The following PRRX2 variants were observed in gnomAD, a reference collection of about 807,000 sequenced individuals.
PRRX2 encodes paired related homeobox 2, also known as paired mesoderm homeobox protein 2.
In PRRX2, 11 loss-of-function variants were observed where a neutral mutation model predicts 18.0. The observed-to-expected ratio is 0.61, with a 90% confidence interval of 0.39 to 1.01. The LOEUF (loss-of-function observed/expected upper bound fraction) is 1.01. PRRX2 is among the 50% of genes least tolerant of loss of function. PRRX2 has a pLI of 0.01. For synonymous variants in PRRX2, 177 were observed against 154.8 expected, an observed-to-expected ratio of 1.14 and a Z score of -1.06; for missense variants, 387 against 351.0, an observed-to-expected ratio of 1.10 and a Z score of -0.82.
chr9:129,692,278 G>C (rs10988478), intron 1 of PRRX2, among the ~76,000 whole-genome samples: 8,523 of 151,982 alleles, frequency 0.056, 460 homozygotes, highest in East Asian at 0.19. Flanking sequence ...AGCAGTTTTA[G>C]ATTCACAGCA....
At chr9:129,684,814 C>A (rs10988469) in intron 1 of PRRX2, among the ~76,000 whole-genome samples, 2,961 of 152,278 alleles carry the variant, frequency 0.019, 92 homozygotes, top group African/African-American at 0.067. Flanking sequence ...TGTATTGTCT[C>A]ACCTAATCAC....
Position 129,665,805 on chromosome 9 carries a change from C to T in PRRX2, c.-63C>T. On this transcript the variant is annotated 5_prime_UTR_variant, in exon 1 of 4. Coordinates refer to ENST00000372469, the MANE Select transcript of PRRX2 (RefSeq NM_016307.4). This position sits in a 1 kb window ranked among gnomAD's most constrained non-coding sequence, Gnocchi z 5.3. ...CGGGGCTCTCGCTCCGACCCGCGCC[C>T]GCGACCCTTCCTGGGACCCGAGCCC... 2.0e-6 allele frequency: 2 copies of T among 1,010,278 alleles called. No homozygotes were observed. Among genetic ancestry groups the T allele is most frequent in the Non-Finnish European group, 2.4e-6 (2 of 845,980 alleles). The allele number at this position is 1,010,278 out of a possible 1,614,324, so 62.6% of individuals were successfully genotyped here.
rs554659717 is a variant in PRRX2 at position 129,688,750 on chromosome 9, A to G, written c.259+22624A>G. 1.2e-3 allele frequency among the ~76,000 whole-genome samples: 188 copies of G among 152,280 alleles called. 1 individual carries two copies. Among genetic ancestry groups the G allele is most frequent in the African/African-American group, 4.3e-3 (177 of 41,568 alleles). ...AACCCAGTGTGAGGAGGCTGAAGCAAACGTGCACAGGGGTTCTGGGCATCA... is the reference window on the plus strand; with the variant it reads ...AACCCAGTGTGAGGAGGCTGAAGCAGACGTGCACAGGGGTTCTGGGCATCA... On this transcript the variant is annotated intron_variant, in intron 1 of 3. Coordinates refer to ENST00000372469, the MANE Select transcript of PRRX2 (RefSeq NM_016307.4).
At chr9:129,706,837 A>ATTT (rs1832563583) in intron 1 of PRRX2, among the ~76,000 whole-genome samples, 1 of 152,218 alleles carries the variant, frequency 6.6e-6, no homozygotes, top group African/African-American at 2.4e-5. Flanking sequence ...TACCCCCAAA[A>ATTT]GAAGCCCTGC....
chr9:129,665,847 C>T lies in PRRX2; in HGVS notation c.-21C>T. ...CCCGAGCCCGAGACCCCCGCCGGCCCCCCCGGGGCCGCTCGCGGGCATGGA... is the reference window on the plus strand; with the variant it reads ...CCCGAGCCCGAGACCCCCGCCGGCCTCCCCGGGGCCGCTCGCGGGCATGGA... On this transcript the variant is annotated 5_prime_UTR_variant, in exon 1 of 4. Transcript: ENST00000372469. The surrounding 1 kb of genome is among the most constrained non-coding windows in gnomAD (Gnocchi z 5.3). 2 of 1,032,564 alleles carry T rather than the reference C, an allele frequency of 1.9e-6. No homozygotes were observed. Among genetic ancestry groups the T allele is most frequent in the Non-Finnish European group, 2.3e-6 (2 of 863,174 alleles). The allele number at this position is 1,032,564 out of a possible 1,614,324, so 64.0% of individuals were successfully genotyped here. A position where few individuals can be genotyped will look rare whatever the true frequency, so the allele number is the denominator to read the frequency against.
At chr9:129,705,894 C>G (rs1037853727) in intron 1 of PRRX2, among the ~76,000 whole-genome samples, 5 of 151,234 alleles carry the variant, frequency 3.3e-5, no homozygotes, top group Admixed American at 2.6e-4. Context: ...CCTGCTGGCT[C>G]TCTCACTGAG....
In PRRX2 at chr9:129,722,509, C is replaced by T. The variant is rs1391730889; in HGVS notation, c.*157C>T. 4.1e-5 allele frequency: 32 copies of T among 780,582 alleles called. No individual in the cohort carries two copies. Among genetic ancestry groups the T allele is most frequent in the Admixed American group, 1.3e-4 (3 of 23,460 alleles). 48.4% of individuals were successfully genotyped at this position (780,582 alleles called of 1,614,324 possible). A position where few individuals can be genotyped will look rare whatever the true frequency, so the allele number is the denominator to read the frequency against. ...ACGAGGCTGTTGAGGCCCCTGCAGC[C>T]GGGCCCAGCTCTTCTGTCCTTGGCC... On this transcript the variant is annotated 3_prime_UTR_variant, in exon 4 of 4. Coordinates refer to ENST00000372469, the MANE Select transcript of PRRX2 (RefSeq NM_016307.4).
rs1037688673 is a variant in PRRX2 at position 129,695,593 on chromosome 9, G to T, written c.260-23638G>T. 2.6e-5 allele frequency among the ~76,000 whole-genome samples: 4 copies of T among 152,114 alleles called. No homozygotes were observed. Among genetic ancestry groups the T allele is most frequent in the African/African-American group, 9.7e-5 (4 of 41,440 alleles). On this transcript the variant is annotated intron_variant, in intron 1 of 3. Coordinates refer to ENST00000372469, the MANE Select transcript of PRRX2 (RefSeq NM_016307.4). The surrounding 1 kb of genome is among the most constrained non-coding windows in gnomAD (Gnocchi z 4.8). ...GAGCCGGGCCGGGAGCCCCCAGCTG[G>T]CAGGCACCTCCCTTTCCTGGCCCAC...
At chr9:129,701,339 G>A (rs11794459) in intron 1 of PRRX2, among the ~76,000 whole-genome samples, 53,278 of 152,138 alleles carry the variant, frequency 0.35, 10,216 homozygotes, top group East Asian at 0.57. Context: ...TCACCAACGC[G>A]ATAGCTGATG....
At chr9:129,717,230 C>T (rs920428205) in intron 1 of PRRX2, among the ~76,000 whole-genome samples, 3 of 151,872 alleles carry the variant, frequency 2.0e-5, no homozygotes, top group Non-Finnish European at 4.4e-5. Flanking sequence ...TTGTCTTTGT[C>T]TTTGTTTTGT....
chr9:129,719,300 C>G lies in PRRX2; in HGVS notation c.329C>G (p.Thr110Arg), dbSNP rs529534534. 10 of 1,611,044 alleles carry G rather than the reference C, an allele frequency of 6.2e-6. No individual in the cohort carries two copies. Among genetic ancestry groups the G allele is most frequent in the Non-Finnish European group, 7.6e-6 (9 of 1,179,168 alleles). The change falls in exon 2 of 4, where the codon ACG (threonine) becomes AGG (arginine). Residue 110 changes from threonine to arginine, a missense_variant. Coordinates refer to ENST00000372469, the MANE Select transcript of PRRX2 (RefSeq NM_016307.4). ...AAGAAGCAGCGGCGGAACCGCACCA[C>G]GTTCAACAGCAGCCAACTGCAGGCG... ...RKKKQRRNRT[T>R]FNSSQLQALE...
chr9:129,689,626 C>A (rs1832335135), intron 1 of PRRX2, among the ~76,000 whole-genome samples: 1 of 151,982 alleles, frequency 6.6e-6, no homozygotes, highest in Non-Finnish European at 1.5e-5. Flanking sequence ...AGTGAGTGGT[C>A]CTCAACCCTG....
In PRRX2 at chr9:129,666,010, A is replaced by AGGTGGCGGCGGCCGGGCG. The variant is rs1213123976; in HGVS notation, c.145_162dup (p.Val49_Arg54dup). 9.4e-7 allele frequency: 1 copy of AGGTGGCGGCGGCCGGGCG among 1,064,422 alleles called. No individual in the cohort carries two copies. Among genetic ancestry groups the AGGTGGCGGCGGCCGGGCG allele is most frequent in the Non-Finnish European group, 1.1e-6 (1 of 884,650 alleles). 65.9% of individuals were successfully genotyped at this position (1,064,422 alleles called of 1,614,324 possible). ...GTGAGCCACCTCCTGGACCTGGAAGAGGTGGCGGCGGCCGGGCGGCTGGCG... is the reference window on the plus strand; with the variant it reads ...GTGAGCCACCTCCTGGACCTGGAAGAGGTGGCGGCGGCCGGGCGGGTGGCGGCGGCCGGGCGGCTGGCG... On this transcript the variant is annotated inframe_insertion, in exon 1 of 4. Coordinates refer to ENST00000372469, the MANE Select transcript of PRRX2 (RefSeq NM_016307.4).
At chr9:129,703,486 G>C (rs535082084) in intron 1 of PRRX2, among the ~76,000 whole-genome samples, 8 of 152,256 alleles carry the variant, frequency 5.3e-5, no homozygotes, top group Non-Finnish European at 1.0e-4. Context: ...CCACTTTGGG[G>C]ACAGAGTCTG....
chr9:129,683,278 G>T (rs758540094), intron 1 of PRRX2, among the ~76,000 whole-genome samples: 1 of 152,092 alleles, frequency 6.6e-6, no homozygotes, highest in Non-Finnish European at 1.5e-5. Flanking sequence ...GACACACACG[G>T]TCTCCCCTCA....
At chr9:129,711,777 C>G (rs1227419663) in intron 1 of PRRX2, among the ~76,000 whole-genome samples, 34 of 152,242 alleles carry the variant, frequency 2.2e-4, no homozygotes, top group Non-Finnish European at 1.5e-5. Context: ...TGAGGCGGAC[C>G]GGCCTGAGAG....
intron 1 of PRRX2, among the ~76,000 whole-genome samples, chr9:129,683,708 A>C (rs570614421): frequency 1.4e-3 from 220 of 152,134 alleles, no homozygotes; most frequent in Non-Finnish European, 2.7e-3. Flanking sequence ...GCACTCCAGC[A>C]TGGGCGACAG....
At position 129,685,938 on chromosome 9, in the gene PRRX2, C is replaced by T. The variant is rs368063536; in HGVS notation, c.259+19812C>T. ...GCTGGGAGACGTGGCCAGACCCCCA[C>T]GCCTTTCTGGACCAGTGAGGGAAGG... On this transcript the variant is annotated intron_variant, in intron 1 of 3. Transcript: ENST00000372469. Among the ~76,000 whole-genome samples the T allele has an allele frequency of 4.6e-5, 7 of 152,296 alleles. No homozygotes were observed. The South Asian group carries it at 8.3e-4, about 18-fold the overall frequency.
In PRRX2 at chr9:129,717,584, T is replaced by C. The variant is rs1588176719; in HGVS notation, c.260-1647T>C. 2.0e-5 allele frequency among the ~76,000 whole-genome samples: 3 copies of C among 149,926 alleles called. No homozygotes were observed. In the Admixed American group the frequency reaches 2.0e-4, roughly 10 times the overall value. ...GTTGGTGGGCGCCTGTAATCCCAGC[T>C]ACTCGAGAGGCTGAGGCATGAGAAT... On this transcript the variant is annotated intron_variant, in intron 1 of 3. Transcript: ENST00000372469.
Sources: allele counts gnomAD v4.1 joint callset (sites outside exome capture counted in the v4.1 genomes callset), GRCh38; gene constraint gnomAD v4.1.1; non-coding constraint Gnocchi (gnomAD v3.1); transcripts MANE v1.5; gene names NCBI Gene and HGNC (gene_info 2026-07-23, HGNC 2026-07-21).